Variants in FAT1 observed in about 807,000 individuals in gnomAD.
The protein encoded by FAT1 is protocadherin Fat 1.
FAT1 carries 171 observed loss-of-function variants against 329.8 expected under a neutral mutation model. That is an observed-to-expected ratio of 0.52 (90% CI 0.46 to 0.59). FAT1 has a LOEUF of 0.59. FAT1 is among the 20% of genes least tolerant of loss of function. The probability of loss-of-function intolerance (pLI) is 0.00; values close to 1 mark genes in which losing one functional copy is unlikely to be tolerated. For synonymous variants in FAT1, 2,233 were observed against 2,228.6 expected (o/e 1.00, Z -0.06); for missense variants, 5,672 against 5,774.4 (o/e 0.98, Z 0.57).
chr4:186,712,458 T>A (rs965955323), intron 1 of FAT1, among the ~76,000 whole-genome samples: 8 of 152,162 alleles, frequency 5.3e-5, no homozygotes, highest in African/African-American at 1.9e-4. Flanking sequence ...GAGCATCTAC[T>A]ATGTATCAGG....
intron 2 of FAT1, among the ~76,000 whole-genome samples, chr4:186,684,670 GAA>G (rs10597588): frequency 0.024 from 3,577 of 150,764 alleles, 171 homozygotes; most frequent in East Asian, 0.16. Flanking sequence ...GGATAAGAGG[GAA>G]AAAAAAAAAA....
Position 186,639,735 on chromosome 4 carries a change from T to A in FAT1, c.3629A>T (p.Glu1210Val). Residue 1210 changes from glutamate to valine, a missense_variant, in exon 4 of 27, where the codon GAA becomes GTA. Glu to Val is a moderately radical substitution (Grantham distance 121). Coordinates refer to ENST00000441802, the MANE Select transcript of FAT1 (RefSeq NM_005245.4). ...AAAAAAACTTACCTCTAATATGTGT[T>A]CATCTTGCTGTTCTCGGTCTAGCTT... is the stretch of plus-strand genomic sequence containing the variant. ...SRKLDREQQD[E>V]HILEVTVTDN... 3 of 1,612,096 alleles carry A rather than the reference T, an allele frequency of 1.9e-6. No individual in the cohort carries two copies. Among genetic ancestry groups the A allele is most frequent in the Non-Finnish European group, 2.5e-6 (3 of 1,178,824 alleles).
At chr4:186,712,744 A>G (rs1253017883) in intron 1 of FAT1, among the ~76,000 whole-genome samples, 2 of 123,950 alleles carry the variant, frequency 1.6e-5, no homozygotes, top group Non-Finnish European at 3.4e-5. Flanking sequence ...AGTGTTCAAT[A>G]TGATTCCTGG....
At chr4:186,703,465 CAT>C (rs1561004208) in intron 2 of FAT1, among the ~76,000 whole-genome samples, 1 of 152,204 alleles carries the variant, frequency 6.6e-6, no homozygotes. Context: ...AAATGATACA[CAT>C]ATTTGACTAG....
intron 9 of FAT1, among the ~76,000 whole-genome samples, chr4:186,624,751 C>A (rs1353938844): frequency 6.6e-6 from 1 of 152,176 alleles, no homozygotes; most frequent in African/African-American, 2.4e-5. Context: ...TAAATGTAAT[C>A]TGACACAAAT....
At chr4:186,721,096 A>G (rs574548660) in intron 1 of FAT1, among the ~76,000 whole-genome samples, 1 of 152,248 alleles carries the variant, frequency 6.6e-6, no homozygotes, top group African/African-American at 2.4e-5. Context: ...TCTATGAAGG[A>G]TACAGATTAA....
At position 186,589,044 on chromosome 4, in the gene FAT1, G is replaced by T; in HGVS notation, c.13315C>A (p.Pro4439Thr). 2 of 1,613,908 alleles carry T rather than the reference G, an allele frequency of 1.2e-6. No individual in the cohort carries two copies. Residue 4439 changes from proline (P) to threonine (T), a missense_variant, in exon 27 of 27, where the codon CCA (proline) becomes ACA (threonine). This residue lies in a region of FAT1 where 1,706 missense variants were observed against 1,859.1 expected (regional missense o/e 0.92). Coordinates refer to ENST00000441802, the MANE Select transcript of FAT1 (RefSeq NM_005245.4). ...YDIESDFPPP[P>T]EDFPAADELP... ...TCATCAGCTGCGGGGAAGTCTTCTG[G>T]GGGTGGAGGAAAATCACTTTCGATG...
rs1407450164 is a variant in FAT1 at position 186,597,665 on chromosome 4, T to G, written c.12368+17A>C. On this transcript the variant is annotated intron_variant, in intron 24 of 26. Transcript: ENST00000441802. ...TATGAAAAGGTATGAACCTAAATTT[T>G]GAAAGAAACCATTTACCTTTCTCCC... 9 of 1,599,696 alleles carry G rather than the reference T, an allele frequency of 5.6e-6. No individual in the cohort carries two copies. The highest frequency in any genetic ancestry group is 1.7e-4 in the Middle Eastern group (1 of 6,054).
intron 3 of FAT1, among the ~76,000 whole-genome samples, chr4:186,645,422 T>TCTATCTCTAA (rs1420963668): frequency 1.7e-5 from 1 of 58,000 alleles, no homozygotes; most frequent in African/African-American, 7.4e-5. Flanking sequence ...TATATATATA[T>TCTATCTCTAA]GCCTGTAAAA....
intron 14 of FAT1, 154 bp from the exon 15 acceptor site, chr4:186,610,169 A>C: frequency 1.7e-6 from 1 of 587,656 alleles, no homozygotes; most frequent in Non-Finnish European, 3.0e-6. Context: ...TAATTCAACA[A>C]TTAAAAACTA....
chr4:186,633,512 T>C (rs1312382656), intron 7 of FAT1, among the ~76,000 whole-genome samples, 172 bp downstream of exon 7: 1 of 152,158 alleles, frequency 6.6e-6, no homozygotes, highest in African/African-American at 2.4e-5. Flanking sequence ...CAAATTGGGA[T>C]ATGGAATTAA....
At chr4:186,673,035 C>A (rs560136819) in intron 2 of FAT1, among the ~76,000 whole-genome samples, 24 of 152,236 alleles carry the variant, frequency 1.6e-4, no homozygotes, top group African/African-American at 5.8e-4. Flanking sequence ...ATTAATTACA[C>A]AGAAGAATGT....
At chr4:186,651,670 C>A (rs1741666202) in intron 3 of FAT1, among the ~76,000 whole-genome samples, 1 of 152,194 alleles carries the variant, frequency 6.6e-6, no homozygotes, top group African/African-American at 2.4e-5. Flanking sequence ...AGTCCACCGG[C>A]AGGGAGGCGT....
At chr4:186,612,253 A>G (rs1739485365) in intron 13 of FAT1, among the ~76,000 whole-genome samples, 1 of 152,162 alleles carries the variant, frequency 6.6e-6, no homozygotes, top group African/African-American at 2.4e-5. Context: ...ATATAATTTC[A>G]TGGGAATCTG....
rs530293888 is a variant in FAT1, at chr4:186,709,082, T to C, written c.746A>G (p.Gln249Arg). 1.1e-5 allele frequency: 18 copies of C among 1,613,846 alleles called. No individual in the cohort carries two copies. In the East Asian group the frequency reaches 4.0e-4, roughly 36 times the overall value. The change falls in exon 2 of 27, where the codon CAG (glutamine) becomes CGG (arginine). Residue 249 changes from glutamine (Q) to arginine (R), a missense_variant. Physicochemically the swap from Gln to Arg is conservative, Grantham distance 43. This residue lies in a region of FAT1 where 3,966 missense variants were observed against 3,915.2 expected (regional missense o/e 1.01). Transcript: ENST00000441802. ...TATCACCGGAGCACATTCATTGGCC[T>C]GTTCGATGTGCACCGTTAGCTTGGC... ...SMAKLTVHIE[Q>R]ANECAPVITA...
intron 1 of FAT1, among the ~76,000 whole-genome samples, chr4:186,712,800 G>A (rs1313602670): frequency 6.6e-6 from 1 of 152,056 alleles, no homozygotes; most frequent in African/African-American, 2.4e-5. Context: ...TCACCCAGCT[G>A]TGATGACTAA....
intron 26 of FAT1, among the ~76,000 whole-genome samples, chr4:186,595,200 G>A (rs982292018): frequency 1.6e-4 from 25 of 152,126 alleles, no homozygotes; most frequent in African/African-American, 4.1e-4. Context: ...AGCTGGGGCC[G>A]CAGTGGGGTT....
chr4:186,701,610 C>T (rs1744315389), intron 2 of FAT1, among the ~76,000 whole-genome samples: 1 of 152,202 alleles, frequency 6.6e-6, no homozygotes, highest in African/African-American at 2.4e-5. Flanking sequence ...GCAGGCCAGG[C>T]TTCCAGCAGC....
intron 3 of FAT1, among the ~76,000 whole-genome samples, chr4:186,652,527 A>C (rs1424409425): frequency 6.6e-6 from 1 of 152,230 alleles, no homozygotes; most frequent in East Asian, 1.9e-4. Context: ...GATATACTTC[A>C]CTTATTTTAT....
Sources: gnomAD v4.1 joint callset for allele counts (sites outside exome capture counted in the v4.1 genomes callset) on GRCh38, gnomAD v4.1.1 for gene constraint, gnomAD v4.1.1 regional missense constraint, MANE v1.5 for transcripts, NCBI Gene and HGNC (gene_info 2026-07-23, HGNC 2026-07-21) for gene names.